The following EED variants were observed in gnomAD, a reference collection of about 807,000 sequenced individuals.
EED encodes embryonic ectoderm development, also known as polycomb protein EED.
A neutral mutation model predicts 61.0 loss-of-function variants in EED; 9 were observed. The observed-to-expected ratio is 0.15, with a 90% CI of 0.09 to 0.26. The LOEUF (loss-of-function observed/expected upper bound fraction) is 0.26. EED is among the 10% of genes least tolerant of loss of function. The pLI is 1.00. For synonymous variants in EED, 187 were observed against 174.4 expected (o/e 1.07, Z -0.57); for missense variants, 315 against 542.3 (o/e 0.58, Z 4.16).
intron 3 of EED, 129 bp from the exon 4 acceptor site, chr11:86,255,093 G>T (rs1945636105): frequency 1.6e-6 from 1 of 623,766 alleles, no homozygotes. Context: ...AAGCTCACAG[G>T]AGGTATTTTA....
At chr11:86,264,853 A>G (rs1393730041) in intron 7 of EED, 1 of 152,188 alleles carries the variant, frequency 6.6e-6, no homozygotes, top group Non-Finnish European at 1.5e-5. Flanking sequence ...CTTATGTTCC[A>G]TATTTAGCTC....
rs1411058706 is a variant in EED, at chr11:86,252,127, TATTTC to T, written c.268-18_268-14del. The T allele has an allele frequency of 6.3e-7, 1 of 1,592,648 alleles. No homozygotes were observed. Among genetic ancestry groups the T allele is most frequent in the Non-Finnish European group, 8.6e-7 (1 of 1,163,374 alleles). ...TTTGTAAGATACATTAATCTTTTCT[TATTTC>T]ATGATTATTTTATAGGAAGATCATA... On this transcript the variant is annotated splice_polypyrimidine_tract_variant and intron_variant, in intron 2 of 11. Coordinates refer to ENST00000263360, the MANE Select transcript of EED (RefSeq NM_003797.5).
At chr11:86,274,699 A>G (rs1946190131) in intron 9 of EED, among the ~76,000 whole-genome samples, 1 of 152,044 alleles carries the variant, frequency 6.6e-6, no homozygotes, top group African/African-American at 2.4e-5. Flanking sequence ...TGCCCCCCCT[A>G]GTGGTCTCCA....
At chr11:86,279,515 A>G (rs1484019313), downstream of EED, among the ~76,000 whole-genome samples, 1 of 152,236 alleles carries the variant, frequency 6.6e-6, no homozygotes, top group Non-Finnish European at 1.5e-5. Flanking sequence ...GAAGACCAAG[A>G]TCACATGTGG....
chr11:86,262,326 T>C (rs895266708), intron 6 of EED, among the ~76,000 whole-genome samples: 1 of 152,378 alleles, frequency 6.6e-6, no homozygotes, highest in Non-Finnish European at 1.5e-5. Flanking sequence ...TGTGAATGCT[T>C]TGATGCTCAG....
intron 4 of EED, among the ~76,000 whole-genome samples, chr11:86,256,068 T>G (rs1277447891): frequency 6.6e-6 from 1 of 152,238 alleles, no homozygotes; most frequent in Non-Finnish European, 1.5e-5. Flanking sequence ...CACCTGTTTT[T>G]GTAAAGTTTT....
intron 9 of EED, among the ~76,000 whole-genome samples, chr11:86,273,869 T>C (rs757474928): frequency 1.3e-5 from 2 of 152,198 alleles, no homozygotes; most frequent in Non-Finnish European, 2.9e-5. Flanking sequence ...TGAGTATATT[T>C]AGTTTGAGGT....
chr11:86,251,252 T>C (rs7128483), intron 2 of EED, among the ~76,000 whole-genome samples: 4,755 of 152,262 alleles, frequency 0.031, 240 homozygotes, highest in African/African-American at 0.11. Flanking sequence ...GTGTGTCAGA[T>C]TTTGCTCCTG....
In EED at chr11:86,269,323, G is replaced by C. The variant is rs565688370; in HGVS notation, c.966+762G>C. 4.0e-5 allele frequency among the ~76,000 whole-genome samples: 6 copies of C among 149,952 alleles called. No individual in the cohort carries two copies. In the South Asian group the frequency reaches 1.1e-3, roughly 26 times the overall value. Reference sequence around the variant, plus strand: ...GACCATTGTAAGTCAAGGCCATCTGGGTGTGTGTGTGTGTGTGTTTGTGTG... The same window carrying C: ...GACCATTGTAAGTCAAGGCCATCTGCGTGTGTGTGTGTGTGTGTTTGTGTG... On this transcript the variant is annotated intron_variant, in intron 9 of 11. Coordinates refer to ENST00000263360, the MANE Select transcript of EED (RefSeq NM_003797.5).
Position 86,245,242 on chromosome 11 carries a change from G to T in EED, c.13G>T (p.Glu5Ter). 6.2e-7 allele frequency: 1 copy of T among 1,613,376 alleles called. No individual in the cohort carries two copies. The highest frequency in any genetic ancestry group is 8.5e-7 in the Non-Finnish European group (1 of 1,179,848). Residue 5 changes from glutamate (E) to a stop codon, truncating the protein, a stop_gained, in exon 1 of 12, where the codon GAA becomes TAA. Coordinates refer to ENST00000263360, the MANE Select transcript of EED (RefSeq NM_003797.5). LOFTEE classifies it high-confidence loss of function. MSER[E>*]VSTAPAGTDM... ...GAGGCGGAGGAATATGTCCGAGAGGGAAGTGTCGACTGCGCCGGCGGGAAC... is the reference window on the plus strand; with the variant it reads ...GAGGCGGAGGAATATGTCCGAGAGGTAAGTGTCGACTGCGCCGGCGGGAAC...
At chr11:86,260,037 AACAGAAATAACATGTCC>A (rs1349438434) in intron 6 of EED, among the ~76,000 whole-genome samples, 2 of 152,212 alleles carry the variant, frequency 1.3e-5, no homozygotes, top group Admixed American at 1.3e-4. Flanking sequence ...ATGTATCCCC[AACAGAAATAACATGTCC>A]ATACAAAAGC....
chr11:86,283,264 CAAT>C (rs1946343270), downstream of EED, among the ~76,000 whole-genome samples: 1 of 151,932 alleles, frequency 6.6e-6, no homozygotes. Context: ...AGGGTTGAAA[CAAT>C]AAAAAATAAA....
chr11:86,269,354 G>T (rs895123937), intron 9 of EED, among the ~76,000 whole-genome samples: 1 of 152,034 alleles, frequency 6.6e-6, no homozygotes, highest in African/African-American at 2.4e-5. Flanking sequence ...GTGTGTCTGT[G>T]TATTTTTTTG....
chr11:86,264,493 C>T (rs1432626536), intron 7 of EED: 1 of 346,330 alleles, frequency 2.9e-6, no homozygotes, highest in Non-Finnish European at 5.1e-6. Context: ...TCCCTGGAGT[C>T]TTATGAGAGC....
chr11:86,282,872 G>A (rs1264428861), downstream of EED, among the ~76,000 whole-genome samples: 1 of 152,120 alleles, frequency 6.6e-6, no homozygotes, highest in East Asian at 1.9e-4. Flanking sequence ...GCTCATGCTT[G>A]TAATCCCAGC....
chr11:86,277,788 G>A, intron 10 of EED, 130 bp from the exon 11 acceptor site: 1 of 781,674 alleles, frequency 1.3e-6, no homozygotes, highest in Non-Finnish European at 1.8e-6. Context: ...AAGACCCAAA[G>A]AAATAGCCAA....
Position 86,278,663 on chromosome 11 carries a change from G to A in EED, c.*138G>A. ...ATCAGGCTGAGCTGAATGTAGTGATGTTTACATTGTTTACATTCTTTGTAC... is the reference window on the plus strand; with the variant it reads ...ATCAGGCTGAGCTGAATGTAGTGATATTTACATTGTTTACATTCTTTGTAC... On this transcript the variant is annotated 3_prime_UTR_variant, in exon 12 of 12. Coordinates refer to ENST00000263360, the MANE Select transcript of EED (RefSeq NM_003797.5). 9.8e-7 allele frequency: 1 copy of A among 1,025,604 alleles called. No homozygotes were observed. The highest frequency in any genetic ancestry group is 2.7e-5 in the East Asian group (1 of 37,154). 63.5% of individuals were successfully genotyped at this position (1,025,604 alleles called of 1,614,324 possible).
At chr11:86,251,902 A>G (rs1945541472) in intron 2 of EED, among the ~76,000 whole-genome samples, 2 of 152,222 alleles carry the variant, frequency 1.3e-5, no homozygotes, top group African/African-American at 4.8e-5. Flanking sequence ...TTCGTAGGTA[A>G]GCGGTTATTA....
chr11:86,281,671 T>C (rs74920204), downstream of EED, among the ~76,000 whole-genome samples: 5,023 of 152,232 alleles, frequency 0.033, 259 homozygotes, highest in African/African-American at 0.11. Flanking sequence ...GTCGGGGTCT[T>C]GCTATGTTGT....
Sources: gnomAD v4.1 joint callset for allele counts (sites outside exome capture counted in the v4.1 genomes callset) on GRCh38, gnomAD v4.1.1 for gene constraint, MANE v1.5 for transcripts, NCBI Gene and HGNC (gene_info 2026-07-23, HGNC 2026-07-21) for gene names.